MBOAT1: variants seen among roughly 807,000 people sequenced by gnomAD.
MBOAT1 encodes membrane bound glycerophospholipid O-acyltransferase 1.
MBOAT1 carries 67 observed loss-of-function variants against 64.4 expected under a neutral mutation model. The ratio of observed to expected loss-of-function variants is 1.04; its 90% CI spans 0.85 to 1.27. The LOEUF is 1.27. Ranked by LOEUF, MBOAT1 falls within the 50% of genes most tolerant of loss-of-function variation. The pLI is 0.00. For synonymous variants in MBOAT1, 229 were observed against 218.9 expected (o/e 1.05, Z -0.41); for missense variants, 563 against 604.6 (o/e 0.93, Z 0.72).
intron 4 of MBOAT1, among the ~76,000 whole-genome samples, chr6:20,143,091 C>T (rs1467669549): frequency 6.6e-6 from 1 of 152,184 alleles, no homozygotes; most frequent in Non-Finnish European, 1.5e-5. Context: ...GAAGGAGGTA[C>T]AGTCCAACCT....
At chr6:20,190,237 C>T (rs1160058380) in intron 1 of MBOAT1, among the ~76,000 whole-genome samples, 2 of 152,166 alleles carry the variant, frequency 1.3e-5, no homozygotes. Flanking sequence ...TCATGATTCA[C>T]CCACCTTGGC....
At chr6:20,194,487 C>T (rs1004812696) in intron 1 of MBOAT1, among the ~76,000 whole-genome samples, 15 of 152,138 alleles carry the variant, frequency 9.9e-5, no homozygotes, top group African/African-American at 3.4e-4. Context: ...AACCCTCGAT[C>T]GAGATTTCTC....
intron 1 of MBOAT1, among the ~76,000 whole-genome samples, chr6:20,203,433 TG>T (rs2113773392): frequency 1.3e-5 from 2 of 152,364 alleles, no homozygotes; most frequent in Admixed American, 1.3e-4. Flanking sequence ...AAGTGAGCCA[TG>T]AATTAACTTT....
At chr6:20,158,795 G>A (rs999002894) in intron 1 of MBOAT1, among the ~76,000 whole-genome samples, 26 of 152,124 alleles carry the variant, frequency 1.7e-4, no homozygotes, top group African/African-American at 5.8e-4. Context: ...ACATACAAAT[G>A]GCCAGCAGAT....
intron 3 of MBOAT1, 120 bp from the exon 4 acceptor site, chr6:20,144,435 C>T: frequency 1.5e-6 from 1 of 669,216 alleles, no homozygotes; most frequent in Non-Finnish European, 2.6e-6. Context: ...CCTATCTGGT[C>T]TGACGACATC....
At chr6:20,147,898 C>T (rs1182772987) in intron 3 of MBOAT1, among the ~76,000 whole-genome samples, 1 of 152,084 alleles carries the variant, frequency 6.6e-6, no homozygotes, top group African/African-American at 2.4e-5. Context: ...TTAAAAAGAG[C>T]TTGGCTTAAG....
chr6:20,126,470 G>T, intron 7 of MBOAT1, 47 bp downstream of exon 7: 1 of 1,506,274 alleles, frequency 6.6e-7, no homozygotes, highest in Non-Finnish European at 9.0e-7. Flanking sequence ...ATTAGAGAGA[G>T]TCAACCCTGG....
At chr6:20,153,065 ACCT>A (rs1208632796) in intron 1 of MBOAT1, among the ~76,000 whole-genome samples, 1 of 151,778 alleles carries the variant, frequency 6.6e-6, no homozygotes, top group East Asian at 1.9e-4. Flanking sequence ...CGATCTCCTG[ACCT>A]CCTGATCCGC....
chr6:20,174,430 C>T (rs1244231899), intron 1 of MBOAT1, among the ~76,000 whole-genome samples: 1 of 152,098 alleles, frequency 6.6e-6, no homozygotes, highest in East Asian at 1.9e-4. Flanking sequence ...ACACTGCAGG[C>T]AAGTATTTGT....
At chr6:20,174,286 T>C (rs1194422014) in intron 1 of MBOAT1, among the ~76,000 whole-genome samples, 2 of 152,170 alleles carry the variant, frequency 1.3e-5, no homozygotes, top group Non-Finnish European at 2.9e-5. Flanking sequence ...ATTAGGCAAT[T>C]TCGTCATCAT....
At chr6:20,173,968 G>A (rs1196265211) in intron 1 of MBOAT1, among the ~76,000 whole-genome samples, 1 of 152,016 alleles carries the variant, frequency 6.6e-6, no homozygotes, top group Non-Finnish European at 1.5e-5. Flanking sequence ...TACAAAGAAA[G>A]GAGAAAGACA....
At chr6:20,141,488 T>C (rs1462610520) in intron 4 of MBOAT1, among the ~76,000 whole-genome samples, 1 of 151,550 alleles carries the variant, frequency 6.6e-6, no homozygotes, top group East Asian at 1.9e-4. Flanking sequence ...ACTTCCTGAG[T>C]AGCTGGGACT....
chr6:20,117,342 G>A (rs924369765), intron 9 of MBOAT1, among the ~76,000 whole-genome samples: 8 of 152,030 alleles, frequency 5.3e-5, no homozygotes, highest in South Asian at 2.1e-4. Context: ...ATGAGTTTAC[G>A]TTGAATATAT....
At chr6:20,177,060 T>C (rs766212101) in intron 1 of MBOAT1, among the ~76,000 whole-genome samples, 1 of 152,196 alleles carries the variant, frequency 6.6e-6, no homozygotes, top group Non-Finnish European at 1.5e-5. Context: ...TTCATAATGG[T>C]CTAACCTACC....
At position 20,158,705 on chromosome 6, in the gene MBOAT1, C is replaced by A. The variant is rs779420877; in HGVS notation, c.100-5936G>T. Among the ~76,000 whole-genome samples, 9 of 152,242 alleles carry A rather than the reference C, an allele frequency of 5.9e-5. No individual in the cohort carries two copies. In the East Asian group the frequency reaches 7.7e-4, roughly 13 times the overall value. On this transcript the variant is annotated intron_variant, in intron 1 of 12. Coordinates refer to ENST00000324607, the MANE Select transcript of MBOAT1 (RefSeq NM_001080480.3). ...TCATATTCAAAATATAAAAAGAATT[C>A]TAACTGCTTAATAACAAGAAAATAA...
chr6:20,202,649 T>C (rs1763156647), intron 1 of MBOAT1, among the ~76,000 whole-genome samples: 2 of 151,782 alleles, frequency 1.3e-5, no homozygotes, highest in African/African-American at 4.8e-5. Context: ...TGCAAATAGG[T>C]TAATGAATTA....
At chr6:20,189,581 T>C (rs753234624) in intron 1 of MBOAT1, among the ~76,000 whole-genome samples, 11 of 152,346 alleles carry the variant, frequency 7.2e-5, no homozygotes, top group Non-Finnish European at 1.0e-4. Context: ...TTTTCAAGAA[T>C]ACAACACATT....
At chr6:20,107,226 C>T (rs1302431152) in intron 12 of MBOAT1, among the ~76,000 whole-genome samples, 1 of 152,216 alleles carries the variant, frequency 6.6e-6, no homozygotes, top group African/African-American at 2.4e-5. Context: ...TACCCCACCG[C>T]TCTCCTCAGC....
chr6:20,139,013 C>G (rs143985208), intron 4 of MBOAT1, among the ~76,000 whole-genome samples: 1 of 152,270 alleles, frequency 6.6e-6, no homozygotes, highest in East Asian at 1.9e-4. Context: ...GCCGTCTTCC[C>G]TGTATGCATG....
Sources: gnomAD v4.1 joint callset for allele counts (sites outside exome capture counted in the v4.1 genomes callset) on GRCh38, gnomAD v4.1.1 for gene constraint, MANE v1.5 for transcripts, NCBI Gene and HGNC (gene_info 2026-07-23, HGNC 2026-07-21) for gene names.